CD38: variants seen among roughly 807,000 people sequenced by gnomAD.
CD38 encodes CD38 molecule.
A neutral mutation model predicts 36.3 loss-of-function variants in CD38; 31 were observed. The ratio of observed to expected loss-of-function variants is 0.85; its 90% CI spans 0.64 to 1.15. The LOEUF (loss-of-function observed/expected upper bound fraction) is 1.15, where lower values mean the gene tolerates loss of function less well. CD38 is among the 50% of genes most tolerant of loss of function. CD38 has a pLI of 0.00. For missense variants in CD38, 380 were observed against 371.9 expected (o/e 1.02, Z -0.18); for synonymous variants, 131 against 135.2 (o/e 0.97, Z 0.22).
chr4:15,790,788 C>G (rs1006807403), intron 1 of CD38, among the ~76,000 whole-genome samples: 15 of 148,292 alleles, frequency 1.0e-4, no homozygotes, highest in Non-Finnish European at 3.0e-5. Context: ...TCTGCCCGGC[C>G]GCCCATCGTC....
intron 1 of CD38, among the ~76,000 whole-genome samples, chr4:15,814,814 T>G (rs956575339): frequency 7.6e-6 from 1 of 132,370 alleles, no homozygotes; most frequent in Non-Finnish European, 1.5e-5. Flanking sequence ...TGTTTTTTGT[T>G]TTTTTTTTTT....
intron 1 of CD38, among the ~76,000 whole-genome samples, chr4:15,790,795 C>T (rs1259682214): frequency 2.7e-5 from 4 of 147,888 alleles, no homozygotes; most frequent in Non-Finnish European, 6.0e-5. Flanking sequence ...GGCCGCCCAT[C>T]GTCTGAGATG....
At chr4:15,787,048 C>T (rs952779401) in intron 1 of CD38, among the ~76,000 whole-genome samples, 12 of 152,224 alleles carry the variant, frequency 7.9e-5, no homozygotes, top group Admixed American at 3.9e-4. Flanking sequence ...GGGGAGCCCA[C>T]GCCCACCTGG....
At chr4:15,807,076 G>A (rs1723358455) in intron 1 of CD38, among the ~76,000 whole-genome samples, 1 of 152,170 alleles carries the variant, frequency 6.6e-6, no homozygotes, top group Admixed American at 6.5e-5. Context: ...TGGGTTTGTT[G>A]CTCTCTGCAA....
At chr4:15,803,773 A>G (rs1454534550) in intron 1 of CD38, among the ~76,000 whole-genome samples, 2 of 152,070 alleles carry the variant, frequency 1.3e-5, no homozygotes, top group Non-Finnish European at 1.5e-5. Flanking sequence ...ATAGTACCCA[A>G]TATGTGGTTT....
intron 1 of CD38, among the ~76,000 whole-genome samples, chr4:15,814,812 G>GTT (rs566976363): frequency 1.8e-5 from 2 of 112,618 alleles, no homozygotes; most frequent in Non-Finnish European, 1.8e-5. Flanking sequence ...TTTGTTTTTT[G>GTT]TTTTTTTTTT....
At chr4:15,787,597 C>T (rs546151771) in intron 1 of CD38, among the ~76,000 whole-genome samples, 3 of 152,316 alleles carry the variant, frequency 2.0e-5, no homozygotes, top group African/African-American at 4.8e-5. Context: ...CTTTGTACTT[C>T]AGGAATGATT....
In CD38 at chr4:15,828,190, A is replaced by ATT. The variant is rs538787118; in HGVS notation, c.499+3181_499+3182dup. ...CCACCACACTTGGCTAATTTTTTGT[A>ATT]TTTTTTTTAGAGACAGGGTTTCACC... is the stretch of plus-strand genomic sequence containing the variant. On this transcript the variant is annotated intron_variant, in intron 3 of 7. Coordinates refer to ENST00000226279, the MANE Select transcript of CD38 (RefSeq NM_001775.4). Among the ~76,000 whole-genome samples the ATT allele has an allele frequency of 2.6e-3, 387 of 151,498 alleles. 1 individual carries two copies. The highest frequency in any genetic ancestry group is 8.7e-3 in the African/African-American group (359 of 41,292).
chr4:15,779,022 C>A (rs1214047799), intron 1 of CD38, among the ~76,000 whole-genome samples: 2 of 152,240 alleles, frequency 1.3e-5, no homozygotes, highest in African/African-American at 4.8e-5. Context: ...CGGAATAGAA[C>A]TCGCAGATGC....
At chr4:15,823,464 A>G (rs939098568) in intron 2 of CD38, among the ~76,000 whole-genome samples, 5 of 152,222 alleles carry the variant, frequency 3.3e-5, no homozygotes, top group Non-Finnish European at 5.9e-5. Context: ...AAAGAACTTA[A>G]ACAAATTTAC....
intron 1 of CD38, among the ~76,000 whole-genome samples, chr4:15,780,528 A>ATG (rs72386945): frequency 1.4e-5 from 2 of 144,206 alleles, no homozygotes; most frequent in African/African-American, 5.1e-5. Context: ...TCACACACAC[A>ATG]CACACACACA....
In CD38 at chr4:15,816,577, C is replaced by T; in HGVS notation, c.300C>T (p.Asn100=). The T allele has an allele frequency of 6.2e-7, 1 of 1,613,672 alleles. No homozygotes were observed. Among genetic ancestry groups the T allele is most frequent in the African/African-American group, 1.3e-5 (1 of 75,016 alleles). ...CATTTATTTCAAAACATCCTTGCAA[C>T]ATTACTGAAGAAGACTATCAGCCAC... ...KGAFISKHPC[N]ITEEDYQPLM... Residue 100 remains asparagine (N), a synonymous_variant, in exon 2 of 8, where the codon AAC becomes AAT. Coordinates refer to ENST00000226279, the MANE Select transcript of CD38 (RefSeq NM_001775.4).
At chr4:15,831,204 G>A (rs1723951540) in intron 3 of CD38, among the ~76,000 whole-genome samples, 1 of 151,982 alleles carries the variant, frequency 6.6e-6, no homozygotes, top group Non-Finnish European at 1.5e-5. Context: ...ACTTTTTGTT[G>A]TTTCTATTTA....
rs776151720 is a variant in CD38 at position 15,824,039 on chromosome 4, A to T, written c.364-842A>T. Among the ~76,000 whole-genome samples the T allele has an allele frequency of 4.3e-4, 65 of 152,212 alleles. 1 individual carries two copies. Among genetic ancestry groups the T allele is most frequent in the Admixed American group, 1.3e-3 (20 of 15,286 alleles). On this transcript the variant is annotated intron_variant, in intron 2 of 7. Coordinates refer to ENST00000226279, the MANE Select transcript of CD38 (RefSeq NM_001775.4). ...GAGCCAGAAGCCACATCTTCAGCAA[A>T]CTAACACAGGAACATGCAAATGCTG...
chr4:15,817,061 G>C (rs1723618013), intron 2 of CD38, among the ~76,000 whole-genome samples: 1 of 152,122 alleles, frequency 6.6e-6, no homozygotes, highest in African/African-American at 2.4e-5. Flanking sequence ...GCTTACAAAA[G>C]ACTCTCCTAA....
At chr4:15,844,673 A>G in intron 7 of CD38, among the ~76,000 whole-genome samples, 1 of 2,392 alleles carries the variant, frequency 4.2e-4, no homozygotes, top group Non-Finnish European at 6.1e-4. Context: ...AGCAAGACTA[A>G]TAAAGAAAAA....
intron 2 of CD38, among the ~76,000 whole-genome samples, chr4:15,821,685 A>G (rs1723738031): frequency 6.9e-6 from 1 of 145,364 alleles, no homozygotes; most frequent in Non-Finnish European, 1.5e-5. Context: ...GGCAGTAATA[A>G]ATACCAACCA....
intron 5 of CD38, among the ~76,000 whole-genome samples, chr4:15,838,847 T>C (rs1724133541): frequency 6.6e-6 from 1 of 152,200 alleles, no homozygotes; most frequent in East Asian, 1.9e-4. Flanking sequence ...TGAAAAATGC[T>C]GAGCTCTGTG....
At chr4:15,787,759 C>T (rs891680401) in intron 1 of CD38, among the ~76,000 whole-genome samples, 6 of 152,140 alleles carry the variant, frequency 3.9e-5, no homozygotes, top group African/African-American at 1.4e-4. Context: ...AGTGAAAGAG[C>T]GGCTAGGGGA....
Sources: allele counts gnomAD v4.1 joint callset (sites outside exome capture counted in the v4.1 genomes callset), GRCh38; gene constraint gnomAD v4.1.1; transcripts MANE v1.5; gene names NCBI Gene and HGNC (gene_info 2026-07-23, HGNC 2026-07-21).